The following CFTR variants were observed in gnomAD, a reference collection of about 807,000 sequenced individuals.
CFTR encodes the protein CF transmembrane conductance regulator.
In CFTR, 181 loss-of-function variants were observed where a neutral mutation model predicts 171.6. The ratio of observed to expected loss-of-function variants is 1.05; its 90% confidence interval spans 0.93 to 1.19. The LOEUF (loss-of-function observed/expected upper bound fraction) is 1.19, where lower values mean the gene tolerates loss of function less well. Ranked by LOEUF, CFTR falls within the 50% of genes most tolerant of loss-of-function variation. The pLI is 0.00. For missense variants in CFTR, 1,968 were observed against 1,734.7 expected, an observed-to-expected ratio of 1.13 and a Z score of -2.39; for synonymous variants, 583 against 608.0, an observed-to-expected ratio of 0.96 and a Z score of 0.60.
intron 24 of CFTR, among the ~76,000 whole-genome samples, chr7:117,658,027 C>A (rs1313662425): frequency 1.3e-5 from 2 of 152,112 alleles, no homozygotes; most frequent in African/African-American, 4.8e-5. Context: ...TGGGTCCACA[C>A]CTTTACCATG....
At chr7:117,649,514 TATA>T (rs1374326002) in intron 23 of CFTR, among the ~76,000 whole-genome samples, 4,989 of 129,792 alleles carry the variant, frequency 0.038, 183 homozygotes, top group African/African-American at 0.095. Flanking sequence ...TATATATATA[TATA>T]TATTTTTTTT....
chr7:117,536,150 T>G (rs1356108609), intron 6 of CFTR, among the ~76,000 whole-genome samples: 1 of 152,234 alleles, frequency 6.6e-6, no homozygotes, highest in Non-Finnish European at 1.5e-5. Context: ...GGCTTGAGTT[T>G]GTCAGCTAGA....
chr7:117,550,691 A>T (rs1184513053), intron 10 of CFTR, among the ~76,000 whole-genome samples: 1 of 152,228 alleles, frequency 6.6e-6, no homozygotes, highest in Non-Finnish European at 1.5e-5. Context: ...GTGCAAAAAT[A>T]GCTTTGGAAT....
chr7:117,611,866 A>G, intron 20 of CFTR, 58 bp downstream of exon 20: 1 of 1,155,162 alleles, frequency 8.7e-7, no homozygotes, highest in Non-Finnish European at 1.3e-6. Context: ...TCAATGAATA[A>G]AATGCTGCAT....
intron 11 of CFTR, among the ~76,000 whole-genome samples, chr7:117,581,112 T>C (rs1315648566): frequency 2.0e-5 from 3 of 152,220 alleles, no homozygotes; most frequent in Non-Finnish European, 2.9e-5. Flanking sequence ...TGGTCATCTC[T>C]AGTGTGGTCG....
intron 22 of CFTR, among the ~76,000 whole-genome samples, chr7:117,632,011 G>A (rs1792755006): frequency 6.6e-6 from 1 of 152,110 alleles, no homozygotes; most frequent in Non-Finnish European, 1.5e-5. Flanking sequence ...GGTGTCAGAA[G>A]TATTGTCAGT....
At chr7:117,571,880 A>G (rs1040615973) in intron 11 of CFTR, among the ~76,000 whole-genome samples, 14 of 152,202 alleles carry the variant, frequency 9.2e-5, no homozygotes, top group African/African-American at 9.6e-5. Context: ...TGTAACATCC[A>G]TTATATTAGT....
At chr7:117,614,578 C>T (rs377396724) in intron 20 of CFTR, 35 bp from the exon 21 acceptor site, 1 of 1,322,732 alleles carries the variant, frequency 7.6e-7, no homozygotes, top group Non-Finnish European at 1.1e-6. Flanking sequence ...AGAGAAATAA[C>T]ATGAGGTTCA....
intron 1 of CFTR, among the ~76,000 whole-genome samples, chr7:117,482,312 G>T (rs1025778262): frequency 6.6e-6 from 1 of 152,098 alleles, no homozygotes; most frequent in Admixed American, 6.5e-5. Context: ...ATTATGGTAT[G>T]AGTTATAGAT....
At position 117,530,981 on chromosome 7, in the gene CFTR, T is replaced by G. The variant is rs2116670254; in HGVS notation, c.356T>G (p.Ile119Ser). ...YDPDNKEERS[I>S]AIYLGIGLCL... Reference sequence around the variant, plus strand: ...CCGGATAACAAGGAGGAACGCTCTATCGCGATTTATCTAGGCATAGGCTTA... The same window carrying G: ...CCGGATAACAAGGAGGAACGCTCTAGCGCGATTTATCTAGGCATAGGCTTA... The change falls in exon 4 of 27, where the codon ATC becomes AGC. Residue 119 changes from isoleucine (I) to serine (S), a missense_variant. Transcript: ENST00000003084. 6.2e-7 allele frequency: 1 copy of G among 1,613,814 alleles called. No homozygotes were observed. The highest frequency in any genetic ancestry group is 2.2e-5 in the East Asian group (1 of 44,876).
In CFTR at chr7:117,642,556, T is replaced by G. The variant is rs1286786026; in HGVS notation, c.3836T>G (p.Leu1279Trp). The G allele has an allele frequency of 6.2e-7, 1 of 1,613,532 alleles. No individual in the cohort carries two copies. The highest frequency in any genetic ancestry group is 1.1e-5 in the South Asian group (1 of 91,072). The change falls in exon 23 of 27, where the codon TTG becomes TGG. Residue 1279 changes from leucine to tryptophan, a missense_variant. Transcript: ENST00000003084. ...GGTGTGTCTTGGGATTCAATAACTT[T>G]GCAACAGTGGAGGAAAGCCTTTGGA... Reference protein sequence around the residue: ...IDGVSWDSITLQQWRKAFGVI... With the variant: ...IDGVSWDSITWQQWRKAFGVI...
intron 11 of CFTR, among the ~76,000 whole-genome samples, chr7:117,571,835 CTG>C (rs1468656174): frequency 6.6e-6 from 1 of 151,886 alleles, no homozygotes; most frequent in Non-Finnish European, 1.5e-5. Context: ...ATATATAAAA[CTG>C]AATATTAAGT....
At chr7:117,539,983 G>C (rs1799020545) in intron 7 of CFTR, 117 bp from the exon 8 acceptor site, 1 of 846,012 alleles carries the variant, frequency 1.2e-6, no homozygotes, top group East Asian at 2.6e-5. Context: ...TGTGGAGCCA[G>C]GTTAAAAATA....
intron 3 of CFTR, among the ~76,000 whole-genome samples, chr7:117,509,536 GT>G (rs1798480853): frequency 6.6e-6 from 1 of 152,048 alleles, no homozygotes. Context: ...ATATATGAAT[GT>G]TTGTAATATT....
chr7:117,667,330 G>A lies in CFTR; in HGVS notation c.*222G>A. 1 of 535,460 alleles carries A rather than the reference G, an allele frequency of 1.9e-6. No homozygotes were observed. Among genetic ancestry groups the A allele is most frequent in the Non-Finnish European group, 3.4e-6 (1 of 295,184 alleles). The allele number at this position is 535,460 out of a possible 1,614,324, so 33.2% of individuals were successfully genotyped here. On this transcript the variant is annotated 3_prime_UTR_variant, in exon 27 of 27. Coordinates refer to ENST00000003084, the MANE Select transcript of CFTR (RefSeq NM_000492.4). ...TGGCAATAGTCAAATTGTGTGAAAG[G>A]TACTTCAAATCCTTGAAGATTTACC...
intron 22 of CFTR, among the ~76,000 whole-genome samples, chr7:117,641,569 C>G (rs1484009143): frequency 6.6e-6 from 1 of 152,040 alleles, no homozygotes; most frequent in Non-Finnish European, 1.5e-5. Context: ...AACTGTCAGC[C>G]AGTTTTTTCA....
intron 21 of CFTR, chr7:117,616,095 T>C (rs1299893094): frequency 6.6e-6 from 1 of 152,070 alleles, no homozygotes; most frequent in South Asian, 2.1e-4. Context: ...ATAAAAAATA[T>C]CTCCAGGAAA....
chr7:117,660,912 T>C (rs970707675), intron 24 of CFTR, among the ~76,000 whole-genome samples: 4 of 152,098 alleles, frequency 2.6e-5, no homozygotes, highest in African/African-American at 9.7e-5. Flanking sequence ...CTGTTACTCA[T>C]CTTTGAATCT....
intron 14 of CFTR, among the ~76,000 whole-genome samples, chr7:117,594,275 C>T (rs1489982230): frequency 6.6e-6 from 1 of 152,152 alleles, no homozygotes; most frequent in Admixed American, 6.5e-5. Flanking sequence ...TAGCACTTTC[C>T]CATGAGTTTT....
Sources: gnomAD v4.1 joint callset for allele counts (sites outside exome capture counted in the v4.1 genomes callset) on GRCh38, gnomAD v4.1.1 for gene constraint, MANE v1.5 for transcripts, NCBI Gene and HGNC (gene_info 2026-07-23, HGNC 2026-07-21) for gene names.